SSX2IP: variants seen among roughly 807,000 people sequenced by gnomAD.
SSX2IP encodes the protein afadin- and alpha-actinin-binding protein.
Under a neutral mutation model 84.9 loss-of-function variants are expected in SSX2IP, and 55 were observed. That is an observed-to-expected ratio of 0.65 (90% CI 0.52 to 0.81). SSX2IP has a LOEUF of 0.81. Ranked by LOEUF, SSX2IP falls within the 30% of genes least tolerant of loss-of-function variation. The probability of loss-of-function intolerance (pLI) is 0.00; values close to 1 mark genes in which losing one functional copy is unlikely to be tolerated. For missense variants in SSX2IP, 664 were observed against 705.2 expected, an observed-to-expected ratio of 0.94 and a Z score of 0.66; for synonymous variants, 239 against 234.7, an observed-to-expected ratio of 1.02 and a Z score of -0.17.
intron 11 of SSX2IP, chr1:84,652,360 C>T (rs1650378856): frequency 6.2e-6 from 1 of 161,098 alleles, no homozygotes; most frequent in South Asian, 1.5e-4. Flanking sequence ...GAAGTTGACG[C>T]TGAAGTGAGC....
intron 1 of SSX2IP, among the ~76,000 whole-genome samples, chr1:84,686,881 A>G (rs1655871682): frequency 6.6e-6 from 1 of 152,186 alleles, no homozygotes; most frequent in Non-Finnish European, 1.5e-5. Context: ...ATGATCACCA[A>G]ATAAGAAAAG....
Position 84,662,262 on chromosome 1 carries a change from A to C in SSX2IP, c.863T>G (p.Met288Arg). 6.2e-7 allele frequency: 1 copy of C among 1,609,710 alleles called. No individual in the cohort carries two copies. Among genetic ancestry groups the C allele is most frequent in the Non-Finnish European group, 8.5e-7 (1 of 1,178,060 alleles). The change falls in exon 8 of 14, where the codon ATG becomes AGG. Residue 288 changes from methionine (M) to arginine (R), a missense_variant. Coordinates refer to ENST00000342203, the MANE Select transcript of SSX2IP (RefSeq NM_001166293.2). ...CTTTTGGGGAGAAAGAAGAGAAATC[A>C]TTTCCTTTTTCATTTGTTGAAGAAC... is the stretch of plus-strand genomic sequence containing the variant. ...KKVLQQMKKE[M>R]ISLLSPQKKK...
intron 9 of SSX2IP, 100 bp downstream of exon 9, chr1:84,658,218 A>AATGCGG: frequency 7.7e-7 from 1 of 1,306,906 alleles, no homozygotes. Flanking sequence ...GAAGTATAGT[A>AATGCGG]CTTTAGCTCT....
At chr1:84,659,192 A>G (rs1340606721) in intron 8 of SSX2IP, among the ~76,000 whole-genome samples, 2 of 152,210 alleles carry the variant, frequency 1.3e-5, no homozygotes, top group Non-Finnish European at 1.5e-5. Context: ...AACAATAAAA[A>G]TCTTGCTGGG....
chr1:84,670,681 C>A lies in SSX2IP; in HGVS notation c.178G>T (p.Asp60Tyr). 1 of 1,611,616 alleles carries A rather than the reference C, an allele frequency of 6.2e-7. No homozygotes were observed. Among genetic ancestry groups the A allele is most frequent in the South Asian group, 1.1e-5 (1 of 90,570 alleles). ...TATGAGATACTCTGTTCAATATTAT[C>A]TTCTGTGCAGAAGGCACTGAAAAAA... ...HSFFSAFCTE[D>Y]NIEQSISYLD... Residue 60 changes from aspartate to tyrosine, a missense_variant, in exon 3 of 14, where the codon GAT becomes TAT. Coordinates refer to ENST00000342203, the MANE Select transcript of SSX2IP (RefSeq NM_001166293.2).
intron 1 of SSX2IP, among the ~76,000 whole-genome samples, chr1:84,685,489 G>A (rs572778408): frequency 2.0e-5 from 3 of 152,318 alleles, no homozygotes; most frequent in East Asian, 1.9e-4. Context: ...TAATCCTCAC[G>A]CTAGCCCTAG....
intron 9 of SSX2IP, among the ~76,000 whole-genome samples, chr1:84,656,857 AGAG>A (rs1412988439): frequency 1.3e-5 from 2 of 152,178 alleles, no homozygotes; most frequent in Non-Finnish European, 2.9e-5. Context: ...GGCCATATTC[AGAG>A]AAGAGAAAAA....
chr1:84,644,513 T>C lies in SSX2IP; in HGVS notation c.*2920A>G, dbSNP rs373217623. On this transcript the variant is annotated 3_prime_UTR_variant, in exon 14 of 14. Transcript: ENST00000342203. The stretch of plus-strand genomic sequence containing the variant: ...ATATTTACTAGACTTCCATAATCCA[T>C]ACTTACTTTAAATTCAATCTAGAAA... The C allele has an allele frequency of 6.6e-6, 1 of 152,202 alleles. No individual in the cohort carries two copies. 9.4% of individuals were successfully genotyped at this position (152,202 alleles called of 1,614,324 possible).
At position 84,644,371 on chromosome 1, in the gene SSX2IP, G is replaced by A. The variant is rs763710246; in HGVS notation, c.*3062C>T. Reference sequence around the variant, plus strand: ...GCTCAGATTCCTAATAGCAGGCAGCGTGCTTATCTGTCTTCATATCACCAA... The same window carrying A: ...GCTCAGATTCCTAATAGCAGGCAGCATGCTTATCTGTCTTCATATCACCAA... On this transcript the variant is annotated 3_prime_UTR_variant, in exon 14 of 14. Transcript: ENST00000342203. The A allele has an allele frequency of 6.6e-5, 10 of 152,138 alleles. No individual in the cohort carries two copies. Among genetic ancestry groups the A allele is most frequent in the African/African-American group, 9.7e-5 (4 of 41,436 alleles). The allele number at this position is 152,138 out of a possible 1,614,324, so 9.4% of individuals were successfully genotyped here.
At chr1:84,672,763 G>A (rs976635131) in intron 1 of SSX2IP, among the ~76,000 whole-genome samples, 3 of 152,200 alleles carry the variant, frequency 2.0e-5, no homozygotes, top group African/African-American at 7.2e-5. Flanking sequence ...AGTGGCTCAT[G>A]CCTGTAATCA....
At chr1:84,654,558 AAGAAAGAC>A (rs1257153616) in intron 11 of SSX2IP, among the ~76,000 whole-genome samples, 1 of 152,152 alleles carries the variant, frequency 6.6e-6, no homozygotes, top group African/African-American at 2.4e-5. Context: ...ACAGAAACCC[AAGAAAGAC>A]AGTAACATGA....
intron 11 of SSX2IP, 179 bp downstream of exon 11, chr1:84,655,653 G>C: frequency 6.6e-7 from 1 of 1,509,454 alleles, no homozygotes; most frequent in Non-Finnish European, 8.9e-7. Context: ...AATCTGGTAA[G>C]GGGAAATGAT....
chr1:84,671,156 C>G, intron 2 of SSX2IP, 21 bp downstream of exon 2: 2 of 1,604,786 alleles, frequency 1.2e-6, no homozygotes, highest in Non-Finnish European at 1.7e-6. Context: ...CTTTTGTTTA[C>G]AATTATTTAG....
At chr1:84,690,531 C>G (rs963317657), upstream of SSX2IP, 1 of 152,032 alleles carries the variant, frequency 6.6e-6, no homozygotes, top group Non-Finnish European at 1.5e-5. Context: ...TCCCGGCCTC[C>G]GCAGGTTTCC....
chr1:84,655,267 A>G (rs1650907418), intron 11 of SSX2IP: 1 of 954,724 alleles, frequency 1.0e-6, no homozygotes, highest in South Asian at 2.9e-5. Flanking sequence ...AGAAAGGAGG[A>G]TACTTTCTTA....
chr1:84,664,592 CACAAATTTGAAA>C (rs1652502330), intron 5 of SSX2IP, 40 bp from the exon 6 acceptor site: 1 of 1,482,760 alleles, frequency 6.7e-7, no homozygotes, highest in East Asian at 2.6e-5. Flanking sequence ...AGTAACGATT[CACAAATTTGAAA>C]GAGAAAAATC....
At chr1:84,668,569 G>T (rs749505601) in intron 4 of SSX2IP, among the ~76,000 whole-genome samples, 1 of 152,144 alleles carries the variant, frequency 6.6e-6, no homozygotes, top group African/African-American at 2.4e-5. Flanking sequence ...AGGATGGTAG[G>T]CACAGGTGCT....
chr1:84,684,148 A>G (rs1162564051), intron 1 of SSX2IP, among the ~76,000 whole-genome samples: 1 of 152,218 alleles, frequency 6.6e-6, no homozygotes, highest in Non-Finnish European at 1.5e-5. Flanking sequence ...CCCAAATTCA[A>G]TCATTGGTTA....
In SSX2IP at chr1:84,650,470, C is replaced by G; in HGVS notation, c.1562G>C (p.Ser521Thr). The change falls in exon 13 of 14, where the codon AGT (serine) becomes ACT (threonine). Residue 521 changes from serine (S) to threonine (T), a missense_variant. Transcript: ENST00000342203. ...GCAAACTGGAGACCCATTAGACACA[C>G]TGTGAGGCTTCTTTTGCGGCTGCCT... The part of the protein sequence containing the change: ...HSRQPQKKPH[S>T]VSNGSPVCMS... 6.2e-7 allele frequency: 1 copy of G among 1,614,170 alleles called. No individual in the cohort carries two copies. Among genetic ancestry groups the G allele is most frequent in the Non-Finnish European group, 8.5e-7 (1 of 1,180,040 alleles).
Sources: allele counts gnomAD v4.1 joint callset (sites outside exome capture counted in the v4.1 genomes callset), GRCh38; gene constraint gnomAD v4.1.1; transcripts MANE v1.5; gene names NCBI Gene and HGNC (gene_info 2026-07-23, HGNC 2026-07-21).